The following JAKMIP1 variants were observed in gnomAD, a reference collection of about 807,000 sequenced individuals.
JAKMIP1 encodes the protein janus kinase and microtubule interacting protein 1.
A neutral mutation model predicts 113.0 loss-of-function variants in JAKMIP1; 33 were observed. The ratio of observed to expected loss-of-function variants is 0.29; its 90% CI spans 0.22 to 0.39. JAKMIP1 has a LOEUF of 0.39. JAKMIP1 is among the 10% of genes least tolerant of loss of function. The pLI is 1.00. For missense variants in JAKMIP1, 813 were observed against 1,080.5 expected (o/e 0.75, Z 3.47); for synonymous variants, 480 against 459.9 (o/e 1.04, Z -0.56).
intron 16 of JAKMIP1, among the ~76,000 whole-genome samples, chr4:6,045,733 G>A (rs1714899889): frequency 6.6e-6 from 1 of 152,172 alleles, no homozygotes; most frequent in Non-Finnish European, 1.5e-5. Flanking sequence ...TTAGCCGGAC[G>A]TGGCGGCATA....
chr4:6,098,786 AGATT>A lies in JAKMIP1; in HGVS notation c.624+6683_624+6686del, dbSNP rs145567063. Among the ~76,000 whole-genome samples, 83 of 114,694 alleles carry A rather than the reference AGATT, an allele frequency of 7.2e-4. 2 individuals are homozygous for A. Among genetic ancestry groups the A allele is most frequent in the East Asian group, 2.1e-3 (6 of 2,808 alleles). 75.2% of individuals were successfully genotyped at this position (114,694 alleles called of 152,430 possible). A position where few individuals can be genotyped will look rare whatever the true frequency, so the allele number is the denominator to read the frequency against. Reference sequence around the variant, plus strand: ...AGAAAGAAAAGAAAGAAAGAAAGAAAGATTGATTCCTGATGCTCGAGAAGGCTGG... The same window carrying A: ...AGAAAGAAAAGAAAGAAAGAAAGAAAGATTCCTGATGCTCGAGAAGGCTGG... On this transcript the variant is annotated intron_variant, in intron 3 of 20. Coordinates refer to ENST00000409021, the MANE Select transcript of JAKMIP1 (RefSeq NM_001099433.2).
Position 6,108,708 on chromosome 4 carries a change from C to T in JAKMIP1, c.130-2741G>A, listed in dbSNP as rs904633517. Among the ~76,000 whole-genome samples the T allele has an allele frequency of 6.6e-6, 1 of 152,184 alleles. No homozygotes were observed. Among genetic ancestry groups the T allele is most frequent in the African/African-American group, 2.4e-5 (1 of 41,446 alleles). On this transcript the variant is annotated intron_variant, in intron 2 of 20. Coordinates refer to ENST00000409021, the MANE Select transcript of JAKMIP1 (RefSeq NM_001099433.2). The surrounding 1 kb of genome is among the most constrained non-coding windows in gnomAD (Gnocchi z 5.6). ...TGGGTACCAGTTCACTACTCTGAAACCATCATACATGTATAGTGTTGAACA... is the reference window on the plus strand; with the variant it reads ...TGGGTACCAGTTCACTACTCTGAAATCATCATACATGTATAGTGTTGAACA...
chr4:6,170,415 C>CCAT (rs1402779558), intron 1 of JAKMIP1, among the ~76,000 whole-genome samples: 1 of 3,664 alleles, frequency 2.7e-4, no homozygotes, highest in Non-Finnish European at 5.1e-4. Context: ...ACCGCCACCA[C>CCAT]CACGACCATC....
In JAKMIP1 at chr4:6,051,723, T is replaced by C. The variant is rs566466608; in HGVS notation, c.1807-1044A>G. Among the ~76,000 whole-genome samples the C allele has an allele frequency of 7.2e-5, 11 of 152,342 alleles. 1 individual carries two copies. The East Asian group carries it at 1.9e-3, about 27-fold the overall frequency. ...TCCCAGAAGAGGTATTTATTAATCA[T>C]ACATAAATGACAAGGTTTTAAAAGG... On this transcript the variant is annotated intron_variant, in intron 13 of 20. Coordinates refer to ENST00000409021, the MANE Select transcript of JAKMIP1 (RefSeq NM_001099433.2). The surrounding 1 kb of genome is among the most constrained non-coding windows in gnomAD (Gnocchi z 5.0).
At chr4:6,100,251 A>G (rs1032610003) in intron 3 of JAKMIP1, among the ~76,000 whole-genome samples, 6 of 152,128 alleles carry the variant, frequency 3.9e-5, no homozygotes, top group South Asian at 2.1e-4. Context: ...CTCCATTCCA[A>G]CTAGTCCCCG....
At chr4:6,166,175 G>A (rs1308599473) in intron 1 of JAKMIP1, among the ~76,000 whole-genome samples, 1 of 152,226 alleles carries the variant, frequency 6.6e-6, no homozygotes, top group South Asian at 2.1e-4. Context: ...CAAGAAGCAT[G>A]TGGGCTTAGC....
At chr4:6,054,633 G>C in intron 12 of JAKMIP1, 1 of 412,732 alleles carries the variant, frequency 2.4e-6, no homozygotes, top group Non-Finnish European at 4.9e-6. Flanking sequence ...TGCAGAAGAA[G>C]CCGTAAAGGC....
chr4:6,087,498 T>C (rs1441904889), intron 3 of JAKMIP1, among the ~76,000 whole-genome samples: 1 of 152,130 alleles, frequency 6.6e-6, no homozygotes, highest in Non-Finnish European at 1.5e-5. Context: ...GAGGCTATTT[T>C]ATTTTAAAAG....
chr4:6,144,051 C>G (rs1046568769), intron 1 of JAKMIP1, among the ~76,000 whole-genome samples: 3 of 152,190 alleles, frequency 2.0e-5, no homozygotes, highest in Non-Finnish European at 4.4e-5. Context: ...GAAGGAGGAG[C>G]TGCATCATGA....
intron 11 of JAKMIP1, 30 bp downstream of exon 11, chr4:6,060,394 A>G: frequency 6.5e-7 from 1 of 1,548,784 alleles, no homozygotes; most frequent in Non-Finnish European, 8.9e-7. Flanking sequence ...AAAGGCTAAG[A>G]TTCACAGAGC....
At chr4:6,177,366 T>C (rs998143577) in intron 1 of JAKMIP1, among the ~76,000 whole-genome samples, 1 of 152,152 alleles carries the variant, frequency 6.6e-6, no homozygotes, top group Non-Finnish European at 1.5e-5. Flanking sequence ...GCCCCTTTAC[T>C]CCCAGTCCTG....
intron 11 of JAKMIP1, among the ~76,000 whole-genome samples, chr4:6,057,238 C>A (rs1716600680): frequency 6.6e-6 from 1 of 152,250 alleles, no homozygotes; most frequent in South Asian, 2.1e-4. Context: ...CGCTGTGGCA[C>A]CCTGAGCCTG....
rs185609800 is a variant in JAKMIP1 at position 6,064,297 on chromosome 4, T to C, written c.1431+583A>G. On this transcript the variant is annotated intron_variant, in intron 9 of 20. Coordinates refer to ENST00000409021, the MANE Select transcript of JAKMIP1 (RefSeq NM_001099433.2). This position sits in a 1 kb window ranked among gnomAD's most constrained non-coding sequence, Gnocchi z 4.3. ...TGGGGAAGGTGAGTGAGAACGAAGC[T>C]GGTCTTTGCCCCCTCACGAATCCAC... Among the ~76,000 whole-genome samples the C allele has an allele frequency of 2.4e-3, 362 of 152,350 alleles. No homozygotes were observed. The highest frequency in any genetic ancestry group is 6.8e-3 in the Middle Eastern group (2 of 294).
intron 1 of JAKMIP1, among the ~76,000 whole-genome samples, chr4:6,114,900 G>A (rs79651422): frequency 0.01 from 1,557 of 152,308 alleles, 34 homozygotes; most frequent in African/African-American, 0.035. Context: ...CACCAAAAAA[G>A]GAAGCTTGCT....
Position 6,080,227 on chromosome 4 carries a change from T to A in JAKMIP1, c.1187A>T (p.Glu396Val). ...CTCCAGCACCTGCAGCCTCAGGAAC[T>A]CGATCTCCTGCTCATCCCTCGTCAG... ...LSLTRDEQEI[E>V]FLRLQVLEQQ... Residue 396 changes from glutamate to valine, a missense_variant, in exon 7 of 21, where the codon GAG becomes GTG. Around this residue, in one of 2 missense-constraint regions of JAKMIP1, gnomAD observed 540 missense variants for 653.9 expected, o/e 0.83. Transcript: ENST00000409021. This position sits in a 1 kb window ranked among gnomAD's most constrained non-coding sequence, Gnocchi z 6.0. The A allele has an allele frequency of 6.2e-7, 1 of 1,614,146 alleles. No individual in the cohort carries two copies. Among genetic ancestry groups the A allele is most frequent in the Non-Finnish European group, 8.5e-7 (1 of 1,180,020 alleles).
chr4:6,130,029 T>C (rs1311494379), intron 1 of JAKMIP1, among the ~76,000 whole-genome samples: 1 of 152,220 alleles, frequency 6.6e-6, no homozygotes, highest in Admixed American at 6.5e-5. Flanking sequence ...GGGACACCTC[T>C]GGCCTCATGG....
Position 6,105,487 on chromosome 4 carries a change from C to T in JAKMIP1, c.610G>A (p.Asp204Asn), listed in dbSNP as rs747658316. 1.9e-6 allele frequency: 3 copies of T among 1,601,524 alleles called. No individual in the cohort carries two copies. Among genetic ancestry groups the T allele is most frequent in the Non-Finnish European group, 2.6e-6 (3 of 1,174,536 alleles). ...GCGGCACGTACCAGCCTGCGGATGT[C>T]GCGCTCGCACTCGCGCTTGATGCGG... Reference protein sequence around the residue: ...VHRIKRECERDIRRLMDEIKG... With the variant: ...VHRIKRECERNIRRLMDEIKG... Residue 204 changes from aspartate (D) to asparagine (N), a missense_variant, in exon 3 of 21, where the codon GAC becomes AAC. Physicochemically the swap from Asp to Asn is conservative, Grantham distance 23. Around this residue, in one of 2 missense-constraint regions of JAKMIP1, gnomAD observed 540 missense variants for 653.9 expected, o/e 0.83. Coordinates refer to ENST00000409021, the MANE Select transcript of JAKMIP1 (RefSeq NM_001099433.2).
chr4:6,074,524 ACTAGT>A (rs1361306640), intron 8 of JAKMIP1, among the ~76,000 whole-genome samples: 1 of 152,212 alleles, frequency 6.6e-6, no homozygotes, highest in African/African-American at 2.4e-5. Flanking sequence ...GGAAAAAGAA[ACTAGT>A]CTAGTCATCC....
intron 1 of JAKMIP1, among the ~76,000 whole-genome samples, chr4:6,149,850 A>C (rs533019287): frequency 6.6e-6 from 1 of 152,142 alleles, no homozygotes; most frequent in South Asian, 2.1e-4. Flanking sequence ...GCTGATGGTC[A>C]AGATCCTAGA....
Sources: gnomAD v4.1 joint callset for allele counts (sites outside exome capture counted in the v4.1 genomes callset) on GRCh38, gnomAD v4.1.1 for gene constraint, gnomAD v4.1.1 regional missense constraint, Gnocchi (gnomAD v3.1) non-coding constraint, MANE v1.5 for transcripts, NCBI Gene and HGNC (gene_info 2026-07-23, HGNC 2026-07-21) for gene names.